The following ACTR3C variants were observed in gnomAD, a reference collection of about 807,000 sequenced individuals.
The protein encoded by ACTR3C is actin related protein 3C, also known as actin-related protein 3C.
A neutral mutation model predicts 26.3 loss-of-function variants in ACTR3C; 18 were observed. The observed-to-expected ratio is 0.68, with a 90% CI of 0.47 to 1.01. ACTR3C has a LOEUF of 1.01. Ranked by LOEUF, ACTR3C falls within the 50% of genes least tolerant of loss-of-function variation. The pLI is 0.00. For missense variants in ACTR3C, 184 were observed against 250.7 expected, an observed-to-expected ratio of 0.73 and a Z score of 1.80; for synonymous variants, 55 against 94.5, an observed-to-expected ratio of 0.58 and a Z score of 2.42.
At chr7:150,093,647 T>C in the ACTR3C span, among the ~76,000 whole-genome samples, 1 of 150,872 alleles carries the variant, frequency 6.6e-6, no homozygotes, top group Non-Finnish European at 1.5e-5. Context: ...GACTAGGCTC[T>C]GTACACAGCC....
chr7:149,969,574 A>C, the ACTR3C span, among the ~76,000 whole-genome samples: 109 of 152,326 alleles, frequency 7.2e-4, no homozygotes, highest in African/African-American at 2.4e-3. Flanking sequence ...AATGCCTCTT[A>C]TCTGTACCTA....
chr7:150,088,132 T>G, the ACTR3C span, among the ~76,000 whole-genome samples: 1 of 152,232 alleles, frequency 6.6e-6, no homozygotes, highest in Non-Finnish European at 1.5e-5. Context: ...TTCTATGAAT[T>G]GTCTTTTCAT....
chr7:150,199,340 T>C, the ACTR3C span, among the ~76,000 whole-genome samples: 1 of 123,802 alleles, frequency 8.1e-6, no homozygotes, highest in African/African-American at 3.6e-5. Context: ...ATGTGCTGTG[T>C]CCACTCAGGG....
chr7:149,988,372 A>C, the ACTR3C span, among the ~76,000 whole-genome samples: 3 of 152,326 alleles, frequency 2.0e-5, no homozygotes, highest in Admixed American at 1.3e-4. Flanking sequence ...AGTGTTAGGG[A>C]TGCAGGAATT....
chr7:150,131,884 A>G, the ACTR3C span, among the ~76,000 whole-genome samples: 1 of 152,248 alleles, frequency 6.6e-6, no homozygotes, highest in Non-Finnish European at 1.5e-5. Flanking sequence ...ATAAAACGCA[A>G]TGAAGTACTG....
chr7:149,883,638 A>C, the ACTR3C span, among the ~76,000 whole-genome samples: 9 of 152,350 alleles, frequency 5.9e-5, no homozygotes, highest in East Asian at 1.7e-3. Flanking sequence ...GCCCTCGTCC[A>C]ATCTGCGCAT....
chr7:150,038,081 G>A, the ACTR3C span, among the ~76,000 whole-genome samples: 21 of 141,752 alleles, frequency 1.5e-4, 2 homozygotes, highest in African/African-American at 5.1e-4. Flanking sequence ...CCTCGCGGGG[G>A]GTGCCTCCCC....
At chr7:150,262,475 C>G (rs1833719732) in intron 6 of ACTR3C, among the ~76,000 whole-genome samples, 1 of 152,272 alleles carries the variant, frequency 6.6e-6, no homozygotes, top group Non-Finnish European at 1.5e-5. Flanking sequence ...TTTACAAACT[C>G]TGTTTTGCTT....
the ACTR3C span, among the ~76,000 whole-genome samples, chr7:150,151,014 T>C: frequency 1.1e-4 from 14 of 127,414 alleles, 6 homozygotes; most frequent in East Asian, 4.7e-3. Flanking sequence ...CTTTTATTTC[T>C]GCTTTATATT....
chr7:150,097,681 T>C, the ACTR3C span, among the ~76,000 whole-genome samples: 9 of 151,486 alleles, frequency 5.9e-5, no homozygotes, highest in African/African-American at 2.2e-4. Context: ...AAGGCCCTGT[T>C]TTAGCCTGAA....
chr7:150,301,138 C>A (rs1052947490), intron 1 of ACTR3C, among the ~76,000 whole-genome samples: 2 of 152,096 alleles, frequency 1.3e-5, no homozygotes, highest in Admixed American at 6.6e-5. Flanking sequence ...GTATCTCATT[C>A]CAGAAGAAAT....
chr7:150,320,196 G>A (rs1797359093), intron 1 of ACTR3C, among the ~76,000 whole-genome samples: 1 of 152,242 alleles, frequency 6.6e-6, no homozygotes, highest in Non-Finnish European at 1.5e-5. Flanking sequence ...AATTTAGGGT[G>A]AGTCGCAAAG....
At chr7:149,955,213 C>A in the ACTR3C span, among the ~76,000 whole-genome samples, 30 of 152,222 alleles carry the variant, frequency 2.0e-4, no homozygotes, top group Non-Finnish European at 3.7e-4. Context: ...GCATGAGCTG[C>A]GTGGGGGCCT....
At chr7:150,130,518 G>A in the ACTR3C span, among the ~76,000 whole-genome samples, 1 of 152,180 alleles carries the variant, frequency 6.6e-6, no homozygotes, top group Non-Finnish European at 1.5e-5. Flanking sequence ...TGATCCTTTT[G>A]TCAGTGAAGT....
chr7:150,179,419 A>G, the ACTR3C span, among the ~76,000 whole-genome samples: 49 of 35,404 alleles, frequency 1.4e-3, 1 homozygote, highest in African/African-American at 3.4e-3. Context: ...ACACAACAGG[A>G]AAAAAAAAAA....
the ACTR3C span, among the ~76,000 whole-genome samples, chr7:149,931,156 G>C: frequency 0.1 from 15,817 of 151,972 alleles, 669 homozygotes; most frequent in East Asian, 0.21. Flanking sequence ...ATGAGCCACT[G>C]AGCCCGGCCA....
the ACTR3C span, among the ~76,000 whole-genome samples, chr7:150,224,484 G>A: frequency 2.0e-5 from 3 of 152,198 alleles, no homozygotes; most frequent in Non-Finnish European, 2.9e-5. Context: ...AGATAAGATA[G>A]TTTCTCACAT....
chr7:150,151,196 AAC>A, the ACTR3C span, among the ~76,000 whole-genome samples: 1 of 132,840 alleles, frequency 7.5e-6, no homozygotes, highest in African/African-American at 2.6e-5. Context: ...TAGTTTCTAT[AAC>A]ACACAATATT....
At chr7:149,979,124 G>A in the ACTR3C span, among the ~76,000 whole-genome samples, 1 of 152,202 alleles carries the variant, frequency 6.6e-6, no homozygotes, top group African/African-American at 2.4e-5. Context: ...ATCAGATTTA[G>A]CAAATGATCA....
Sources: allele counts gnomAD v4.1 joint callset (sites outside exome capture counted in the v4.1 genomes callset), GRCh38; gene constraint gnomAD v4.1.1; transcripts MANE v1.5; gene names NCBI Gene and HGNC (gene_info 2026-07-23, HGNC 2026-07-21).